Variants in ZNF621 observed in about 807,000 individuals in gnomAD.
ZNF621 encodes the protein zinc finger protein 621.
Under a neutral mutation model 12.7 loss-of-function variants are expected in ZNF621, and 6 were observed. The observed-to-expected ratio is 0.47, with a 90% confidence interval of 0.26 to 0.93. The LOEUF (loss-of-function observed/expected upper bound fraction) is 0.93, where lower values mean the gene tolerates loss of function less well. Ranked by LOEUF, ZNF621 falls within the 40% of genes least tolerant of loss-of-function variation. ZNF621 has a pLI of 0.15. For synonymous variants in ZNF621, 156 were observed against 190.3 expected (o/e 0.82, Z 1.48); for missense variants, 474 against 524.0 (o/e 0.90, Z 0.93).
rs560618431 is a variant in ZNF621 at position 40,538,264 on chromosome 3, A to G, written c.*5174A>G. The G allele has an allele frequency of 4.1e-4, 168 of 409,544 alleles. 3 individuals carry two copies. Among genetic ancestry groups the G allele is most frequent in the South Asian group, 2.8e-3 (163 of 58,082 alleles). The allele number at this position is 409,544 out of a possible 1,614,324, so 25.4% of individuals were successfully genotyped here. ...GTGGTGGCTCACACTTGTAATCCCA[A>G]CACTTTGGGAGGCCAAGGCAGGTGG... On this transcript the variant is annotated 3_prime_UTR_variant, in exon 5 of 5. Transcript: ENST00000339296.
chr3:40,530,428 TACTC>T, intron 4 of ZNF621, 112 bp downstream of exon 4: 1 of 804,552 alleles, frequency 1.2e-6, no homozygotes, highest in Non-Finnish European at 2.0e-6. Flanking sequence ...TATAAGTCGA[TACTC>T]ACTGTACTCT....
intron 4 of ZNF621, among the ~76,000 whole-genome samples, chr3:40,531,422 A>G (rs866347136): frequency 1.3e-5 from 2 of 149,938 alleles, no homozygotes; most frequent in South Asian, 4.2e-4. Context: ...TGTCCCTCCT[A>G]CCTTCTTTCC....
At chr3:40,531,558 T>C (rs1698726204) in intron 4 of ZNF621, among the ~76,000 whole-genome samples, 1 of 152,106 alleles carries the variant, frequency 6.6e-6, no homozygotes, top group South Asian at 2.1e-4. Context: ...TCCAATTCTA[T>C]GTCATTATTT....
rs563349691 is a variant in ZNF621 at position 40,536,741 on chromosome 3, G to A, written c.*3651G>A. On this transcript the variant is annotated 3_prime_UTR_variant, in exon 5 of 5. Transcript: ENST00000339296. ...TGCAGTTTGTTTTATTGTGTCTTGC[G>A]GATATTGCATTTTTTACAAACTGAA... The A allele has an allele frequency of 1.9e-4, 29 of 152,236 alleles. No homozygotes were observed. Among genetic ancestry groups the A allele is most frequent in the Admixed American group, 7.9e-4 (12 of 15,284 alleles). 9.4% of individuals were successfully genotyped at this position (152,236 alleles called of 1,614,324 possible).
intron 2 of ZNF621, among the ~76,000 whole-genome samples, chr3:40,527,202 G>C (rs1698604708): frequency 6.6e-6 from 1 of 152,034 alleles, no homozygotes; most frequent in Non-Finnish European, 1.5e-5. Flanking sequence ...ATTTTTAGTA[G>C]AGACGGGGGT....
chr3:40,524,959 C>T (rs1366354171), upstream of ZNF621: 1 of 152,294 alleles, frequency 6.6e-6, no homozygotes, highest in Non-Finnish European at 1.5e-5. Flanking sequence ...GTGCACTCGC[C>T]CTTCCGGCTC....
At chr3:40,529,564 C>T (rs1343816457) in intron 3 of ZNF621, 119 bp downstream of exon 3, 6 of 1,585,664 alleles carry the variant, frequency 3.8e-6, no homozygotes, top group Admixed American at 1.7e-5. Context: ...CAGCAGCCTC[C>T]AGAAATACTG....
chr3:40,524,602 T>C (rs1698530713), upstream of ZNF621, among the ~76,000 whole-genome samples: 1 of 152,044 alleles, frequency 6.6e-6, no homozygotes. Context: ...GGCGCCATTC[T>C]CCCCTCACCT....
chr3:40,530,328 A>C lies in ZNF621; in HGVS notation c.259+12A>C, dbSNP rs573160555. ...AGGCATCAGTCAAGGTGAGTATGAG[A>C]ATCCAGTGGTGAAGTTTCTTGTTTT... On this transcript the variant is annotated intron_variant, in intron 4 of 4. Coordinates refer to ENST00000339296, the MANE Select transcript of ZNF621 (RefSeq NM_198484.5). 3.9e-5 allele frequency: 63 copies of C among 1,607,060 alleles called. No individual in the cohort carries two copies. The South Asian group carries it at 5.0e-4, about 13-fold the overall frequency.
Position 40,532,365 on chromosome 3 carries a change from A to T in ZNF621, c.595A>T (p.Lys199Ter), listed in dbSNP as rs1698748625. ...CAGCTATGATTGTATTGTACATGAG[A>T]AAAACCACATTGGAGAAGGGCCCTA... ...KSSYDCIVHE[K>*]NHIGEGPYEC... is the part of the protein sequence containing the mutation. The change falls in exon 5 of 5, where the codon AAA becomes TAA. Residue 199 changes from lysine (K) to a stop codon, truncating the protein, a stop_gained. Coordinates refer to ENST00000339296, the MANE Select transcript of ZNF621 (RefSeq NM_198484.5). LOFTEE classifies it low-confidence loss of function (END_TRUNC). The T allele has an allele frequency of 6.2e-7, 1 of 1,612,712 alleles. No homozygotes were observed. The highest frequency in any genetic ancestry group is 8.5e-7 in the Non-Finnish European group (1 of 1,180,034).
chr3:40,524,481 TGGA>T (rs1339869111), upstream of ZNF621, among the ~76,000 whole-genome samples: 2 of 152,140 alleles, frequency 1.3e-5, no homozygotes, highest in Admixed American at 1.3e-4. Context: ...TCTAGGTCCT[TGGA>T]AGGGAGAGGG....
intron 4 of ZNF621, among the ~76,000 whole-genome samples, chr3:40,530,886 A>G (rs1055056995): frequency 1.1e-4 from 16 of 152,206 alleles, no homozygotes; most frequent in African/African-American, 3.9e-4. Context: ...ACGCACACAC[A>G]TGCATACACA....
At chr3:40,526,113 C>A (rs1302476324) in intron 2 of ZNF621, among the ~76,000 whole-genome samples, 1 of 152,158 alleles carries the variant, frequency 6.6e-6, no homozygotes, top group African/African-American at 2.4e-5. Flanking sequence ...CCAAGAAATT[C>A]TTTCTGAATG....
At chr3:40,524,118 T>C (rs1698522257), upstream of ZNF621, among the ~76,000 whole-genome samples, 1 of 152,318 alleles carries the variant, frequency 6.6e-6, no homozygotes, top group East Asian at 1.9e-4. Context: ...TTCTTTTAAT[T>C]AGCAGCCTCC....
At position 40,532,722 on chromosome 3, in the gene ZNF621, C is replaced by G. The variant is rs1698762476; in HGVS notation, c.952C>G (p.Pro318Ala). ...TCAGAGAGTTCACACTGGGGAGAAG[C>G]CTTATGAATGTAAGGTGTGTGGGAA... ...QHQRVHTGEK[P>A]YECKVCGKAF... The change falls in exon 5 of 5, where the codon CCT becomes GCT. Residue 318 changes from proline (P) to alanine (A), a missense_variant. Coordinates refer to ENST00000339296, the MANE Select transcript of ZNF621 (RefSeq NM_198484.5). The G allele has an allele frequency of 2.5e-6, 4 of 1,614,048 alleles. No individual in the cohort carries two copies. Among genetic ancestry groups the G allele is most frequent in the Non-Finnish European group, 3.4e-6 (4 of 1,180,026 alleles).
rs1368751839 is a variant in ZNF621, at chr3:40,533,088, T to C, written c.1318T>C (p.Ter440ArgextTer12). Reference protein sequence around the residue: ...VILTPSSHSS* With the variant: ...VILTPSSHSSR ...TCTCACCCCTTCTTCTCACTCCTCA[T>C]GAGCTTTATCTTGGCAGTCTTACGG... The change falls in exon 5 of 5, where the codon TGA (stop) becomes CGA (arginine). Residue 440 changes from the stop codon to arginine, a stop_lost. Coordinates refer to ENST00000339296, the MANE Select transcript of ZNF621 (RefSeq NM_198484.5). 1 of 1,550,932 alleles carries C rather than the reference T, an allele frequency of 6.4e-7. No individual in the cohort carries two copies. The highest frequency in any genetic ancestry group is 1.4e-5 in the African/African-American group (1 of 73,172).
rs537811530 is a variant in ZNF621, at chr3:40,533,638, G to T, written c.*548G>T. The T allele has an allele frequency of 3.3e-4, 51 of 154,406 alleles. 2 individuals carry two copies. The South Asian group carries it at 9.3e-3, about 28-fold the overall frequency. The allele number at this position is 154,406 out of a possible 1,614,324, so 9.6% of individuals were successfully genotyped here. On this transcript the variant is annotated 3_prime_UTR_variant, in exon 5 of 5. Transcript: ENST00000339296. Reference sequence around the variant, plus strand: ...GAACAACAGTGGCTGTATCTGCATCGTGGGGTTGCTGGTGGTAGAACACTT... The same window carrying T: ...GAACAACAGTGGCTGTATCTGCATCTTGGGGTTGCTGGTGGTAGAACACTT...
chr3:40,523,265 A>G (rs545136294), upstream of ZNF621, among the ~76,000 whole-genome samples: 4 of 152,358 alleles, frequency 2.6e-5, no homozygotes, highest in East Asian at 7.7e-4. Flanking sequence ...ATAGGACTTC[A>G]TAAGTCAGTC....
At position 40,525,916 on chromosome 3, in the gene ZNF621, T is replaced by C. The variant is rs117530694; in HGVS notation, c.24+52T>C. The C allele has an allele frequency of 1.1e-4, 170 of 1,602,150 alleles. 1 individual carries two copies. In the East Asian group the frequency reaches 2.8e-3, roughly 27 times the overall value. The stretch of plus-strand genomic sequence containing the variant: ...TGTTTGTTTGTTTATGTTTTTTTAC[T>C]CACATTAGCTATCAGATAATCAGGA... On this transcript the variant is annotated intron_variant, in intron 2 of 4. Coordinates refer to ENST00000339296, the MANE Select transcript of ZNF621 (RefSeq NM_198484.5).
Sources: allele counts gnomAD v4.1 joint callset (sites outside exome capture counted in the v4.1 genomes callset), GRCh38; gene constraint gnomAD v4.1.1; transcripts MANE v1.5; gene names NCBI Gene and HGNC (gene_info 2026-07-23, HGNC 2026-07-21).